The following CAMSAP1 variants were observed in gnomAD, a reference collection of about 807,000 sequenced individuals.
CAMSAP1 encodes calmodulin-regulated spectrin-associated protein 1.
CAMSAP1 carries 58 observed loss-of-function variants against 143.5 expected under a neutral mutation model. That is an observed-to-expected ratio of 0.40 (90% confidence interval 0.33 to 0.50). The LOEUF is 0.50. CAMSAP1 is among the 20% of genes least tolerant of loss of function. The pLI is 0.45. For synonymous variants in CAMSAP1, 945 were observed against 859.3 expected, an observed-to-expected ratio of 1.10 and a Z score of -1.74; for missense variants, 1,969 against 2,115.7, an observed-to-expected ratio of 0.93 and a Z score of 1.36.
rs1171713288 is a variant in CAMSAP1, at chr9:135,810,382, T to A, written c.*927A>T. The A allele has an allele frequency of 6.6e-6, 1 of 152,232 alleles. No individual in the cohort carries two copies. The highest frequency in any genetic ancestry group is 2.4e-5 in the African/African-American group (1 of 41,466). The allele number at this position is 152,232 out of a possible 1,614,324, so 9.4% of individuals were successfully genotyped here. Reference sequence around the variant, plus strand: ...CCACTGAAGGGACTGTCAGCTTAAGTGCATCACCTTTTGGGACAAACATGC... The same window carrying A: ...CCACTGAAGGGACTGTCAGCTTAAGAGCATCACCTTTTGGGACAAACATGC... On this transcript the variant is annotated 3_prime_UTR_variant, in exon 17 of 17. Coordinates refer to ENST00000389532, the MANE Select transcript of CAMSAP1 (RefSeq NM_015447.4).
intron 7 of CAMSAP1, among the ~76,000 whole-genome samples, chr9:135,835,954 T>C (rs1836017486): frequency 6.6e-6 from 1 of 152,212 alleles, no homozygotes; most frequent in Non-Finnish European, 1.5e-5. Context: ...CTCTCCAGCC[T>C]GGGTGACAGA....
At chr9:135,843,873 C>CAACA (rs1491487110) in intron 7 of CAMSAP1, among the ~76,000 whole-genome samples, 5 of 63,938 alleles carry the variant, frequency 7.8e-5, no homozygotes, top group East Asian at 8.6e-4. Flanking sequence ...GACTCCGTCT[C>CAACA]AAAAAAAAAA....
At position 135,818,707 on chromosome 9, in the gene CAMSAP1, G is replaced by A; in HGVS notation, c.3960-91C>T. 7.1e-7 allele frequency: 1 copy of A among 1,416,008 alleles called. No homozygotes were observed. The highest frequency in any genetic ancestry group is 9.5e-7 in the Non-Finnish European group (1 of 1,055,772). The allele number at this position is 1,416,008 out of a possible 1,614,324, so 87.7% of individuals were successfully genotyped here. A position where few individuals can be genotyped will look rare whatever the true frequency, so the allele number is the denominator to read the frequency against. On this transcript the variant is annotated intron_variant, in intron 12 of 16. Transcript: ENST00000389532. The surrounding 1 kb of genome is among the most constrained non-coding windows in gnomAD (Gnocchi z 7.7). ...GCGCTCTGTCCAGGCGCGTTTCTCG[G>A]GTTCTCCCCGGCCGCTGGGACCAAG...
At chr9:135,873,741 T>C (rs1837641134) in intron 3 of CAMSAP1, among the ~76,000 whole-genome samples, 1 of 152,186 alleles carries the variant, frequency 6.6e-6, no homozygotes, top group Non-Finnish European at 1.5e-5. Flanking sequence ...GAAAATCTAT[T>C]ATCATATGTA....
intron 5 of CAMSAP1, among the ~76,000 whole-genome samples, chr9:135,851,169 G>GA (rs760282020): frequency 7.5e-4 from 114 of 152,346 alleles, no homozygotes; most frequent in Middle Eastern, 3.4e-3. Context: ...GAGCCCTGCG[G>GA]AGAGCACGGT....
At chr9:135,814,975 C>G in intron 16 of CAMSAP1, 122 bp downstream of exon 16, 1 of 742,252 alleles carries the variant, frequency 1.3e-6, no homozygotes, top group East Asian at 2.8e-5. Context: ...TCCTTGAAAT[C>G]TGCATTCTCC....
intron 3 of CAMSAP1, among the ~76,000 whole-genome samples, chr9:135,872,643 G>C (rs747801513): frequency 6.6e-6 from 1 of 152,094 alleles, no homozygotes; most frequent in Non-Finnish European, 1.5e-5. Context: ...GACAACAAGA[G>C]GTTAAAAGTT....
At chr9:135,845,880 T>C (rs538381098) in intron 7 of CAMSAP1, among the ~76,000 whole-genome samples, 4 of 152,172 alleles carry the variant, frequency 2.6e-5, no homozygotes, top group East Asian at 3.9e-4. Flanking sequence ...AACAAACAAA[T>C]GGAAAAACAT....
intron 16 of CAMSAP1, among the ~76,000 whole-genome samples, chr9:135,813,663 T>C (rs1835130382): frequency 1.3e-5 from 2 of 152,192 alleles, no homozygotes. Flanking sequence ...GGGCGGCCCT[T>C]GGTGGGCACC....
At chr9:135,812,143 C>A (rs978817728) in intron 16 of CAMSAP1, among the ~76,000 whole-genome samples, 1 of 152,172 alleles carries the variant, frequency 6.6e-6, no homozygotes, top group Admixed American at 6.5e-5. Flanking sequence ...CAAAACACTG[C>A]ATATAAATAA....
At chr9:135,842,609 C>T (rs913235138) in intron 7 of CAMSAP1, among the ~76,000 whole-genome samples, 2 of 152,198 alleles carry the variant, frequency 1.3e-5, no homozygotes, top group Non-Finnish European at 2.9e-5. Flanking sequence ...AGGTTACCCA[C>T]AAAGGGAAGC....
At chr9:135,849,693 T>C (rs1464697392) in intron 7 of CAMSAP1, among the ~76,000 whole-genome samples, 2 of 152,210 alleles carry the variant, frequency 1.3e-5, no homozygotes, top group Non-Finnish European at 2.9e-5. Flanking sequence ...GTCCAAACTT[T>C]AATGTTGCTG....
intron 3 of CAMSAP1, among the ~76,000 whole-genome samples, chr9:135,872,119 G>A (rs991554646): frequency 6.6e-6 from 1 of 151,882 alleles, no homozygotes; most frequent in African/African-American, 2.4e-5. Context: ...AAACGGAAGA[G>A]ATCCTGAGAC....
chr9:135,816,337 G>C (rs1232109884), intron 14 of CAMSAP1, among the ~76,000 whole-genome samples: 1 of 152,188 alleles, frequency 6.6e-6, no homozygotes, highest in African/African-American at 2.4e-5. Context: ...CAGTGCTGCT[G>C]GCTCAGGAAG....
chr9:135,835,708 G>A (rs78683577), intron 7 of CAMSAP1, among the ~76,000 whole-genome samples: 1 of 152,242 alleles, frequency 6.6e-6, no homozygotes, highest in Admixed American at 6.5e-5. Flanking sequence ...GCTGGGCACG[G>A]TGGCTCACGC....
intron 7 of CAMSAP1, among the ~76,000 whole-genome samples, chr9:135,835,696 T>C (rs948966995): frequency 6.6e-6 from 1 of 152,220 alleles, no homozygotes; most frequent in African/African-American, 2.4e-5. Context: ...ATTATTTTGA[T>C]GGCTGGGCAC....
chr9:135,859,461 C>T (rs376497441), intron 5 of CAMSAP1, among the ~76,000 whole-genome samples: 6 of 152,260 alleles, frequency 3.9e-5, no homozygotes, highest in African/African-American at 9.6e-5. Flanking sequence ...GGCACGATCT[C>T]GGCTCACTGC....
intron 7 of CAMSAP1, among the ~76,000 whole-genome samples, chr9:135,830,525 C>A (rs1273591439): frequency 6.6e-6 from 1 of 152,140 alleles, no homozygotes; most frequent in African/African-American, 2.4e-5. Flanking sequence ...CACATCAGAC[C>A]TAAATATATA....
chr9:135,836,398 C>T lies in CAMSAP1; in HGVS notation c.1046-8814G>A, dbSNP rs528877935. On this transcript the variant is annotated intron_variant, in intron 7 of 16. Coordinates refer to ENST00000389532, the MANE Select transcript of CAMSAP1 (RefSeq NM_015447.4). ...CCTGTTCTACAGACACACGTTACCA[C>T]GCTTTTTCTACTCCGTTCTACAGAC... 87 of 984,674 alleles carry T rather than the reference C, an allele frequency of 8.8e-5. No homozygotes were observed. In the African/African-American group the frequency reaches 1.4e-3, roughly 15 times the overall value. The allele number at this position is 984,674 out of a possible 1,614,324, so 61.0% of individuals were successfully genotyped here.
Sources: gnomAD v4.1 joint callset for allele counts (sites outside exome capture counted in the v4.1 genomes callset) on GRCh38, gnomAD v4.1.1 for gene constraint, Gnocchi (gnomAD v3.1) non-coding constraint, MANE v1.5 for transcripts, NCBI Gene and HGNC (gene_info 2026-07-23, HGNC 2026-07-21) for gene names.